Variants in ME3 observed in about 807,000 individuals in gnomAD.
ME3 encodes malic enzyme 3.
ME3 carries 48 observed loss-of-function variants against 68.9 expected under a neutral mutation model. The observed-to-expected ratio is 0.70, with a 90% confidence interval of 0.55 to 0.89. The LOEUF is 0.89. ME3 is among the 40% of genes least tolerant of loss of function. The probability of loss-of-function intolerance (pLI) is 0.00; values close to 1 mark genes in which losing one functional copy is unlikely to be tolerated. For missense variants in ME3, 675 were observed against 797.4 expected, an observed-to-expected ratio of 0.85 and a Z score of 1.85; for synonymous variants, 320 against 318.8, an observed-to-expected ratio of 1.00 and a Z score of -0.04.
At chr11:86,533,370 A>G (rs77661830) in intron 4 of ME3, among the ~76,000 whole-genome samples, 8,079 of 152,274 alleles carry the variant, frequency 0.053, 290 homozygotes, top group Non-Finnish European at 0.081. Flanking sequence ...GAACAATTAT[A>G]TATCAAAGAA....
chr11:86,477,557 T>C (rs1165253729), intron 7 of ME3, among the ~76,000 whole-genome samples: 2 of 152,216 alleles, frequency 1.3e-5, no homozygotes, highest in African/African-American at 4.8e-5. Flanking sequence ...CTTCATCTCT[T>C]CTGCCATAAT....
intron 2 of ME3, among the ~76,000 whole-genome samples, chr11:86,573,836 A>T (rs1163602704): frequency 6.6e-6 from 1 of 152,244 alleles, no homozygotes; most frequent in Non-Finnish European, 1.5e-5. Flanking sequence ...AGCTTTTAAC[A>T]TAAAAGGATG....
intron 8 of ME3, among the ~76,000 whole-genome samples, chr11:86,462,349 G>A (rs1329521102): frequency 2.0e-5 from 3 of 152,204 alleles, no homozygotes. Context: ...GTCTATTTAT[G>A]TGTTAATCCA....
intron 2 of ME3, among the ~76,000 whole-genome samples, chr11:86,625,272 T>TA (rs1035907551): frequency 6.6e-6 from 1 of 152,000 alleles, no homozygotes; most frequent in Non-Finnish European, 1.5e-5. Flanking sequence ...TGACCATAGT[T>TA]ACAGAGTACA....
Position 86,548,150 on chromosome 11 carries a change from T to C in ME3, c.467+8403A>G, listed in dbSNP as rs557212558. ...CTGCTCCTTCTGGATGCTAAAGTCC[T>C]AGGCAGGCCACATGCATTTAAGCAC... On this transcript the variant is annotated intron_variant, in intron 4 of 14. Transcript: ENST00000543262. 3.3e-5 allele frequency among the ~76,000 whole-genome samples: 5 copies of C among 152,304 alleles called. No homozygotes were observed. In the South Asian group the frequency reaches 8.3e-4, roughly 25 times the overall value.
chr11:86,609,734 A>G (rs1942423752), intron 2 of ME3, among the ~76,000 whole-genome samples: 1 of 152,244 alleles, frequency 6.6e-6, no homozygotes, highest in Non-Finnish European at 1.5e-5. Context: ...CAAAATTGTA[A>G]TAGCAAAAAA....
intron 2 of ME3, among the ~76,000 whole-genome samples, chr11:86,635,638 G>C (rs1407895900): frequency 2.0e-5 from 3 of 152,198 alleles, no homozygotes; most frequent in Non-Finnish European, 4.4e-5. Context: ...AAAAGGATGA[G>C]TTCTACTTTA....
intron 2 of ME3, among the ~76,000 whole-genome samples, chr11:86,644,018 T>A (rs889111639): frequency 6.6e-6 from 1 of 152,170 alleles, no homozygotes; most frequent in African/African-American, 2.4e-5. Context: ...CACAAATATT[T>A]GATTTCCTTT....
chr11:86,522,558 G>T (rs763561675), intron 4 of ME3, among the ~76,000 whole-genome samples: 34 of 151,762 alleles, frequency 2.2e-4, no homozygotes, highest in Non-Finnish European at 4.1e-4. Context: ...AGGCCCCAGT[G>T]TATGTTATTC....
At chr11:86,486,741 C>T (rs751472365) in intron 7 of ME3, among the ~76,000 whole-genome samples, 29 of 152,194 alleles carry the variant, frequency 1.9e-4, no homozygotes, top group Non-Finnish European at 3.4e-4. Flanking sequence ...CCCAGCGGCA[C>T]GTCAGCCACA....
rs543212989 is a variant in ME3 at position 86,643,123 on chromosome 11, G to A, written c.183+28639C>T. Among the ~76,000 whole-genome samples the A allele has an allele frequency of 1.3e-4, 20 of 152,140 alleles. No individual in the cohort carries two copies. In the South Asian group the frequency reaches 2.5e-3, roughly 19 times the overall value. On this transcript the variant is annotated intron_variant, in intron 2 of 14. Transcript: ENST00000543262. ...CATGTCTGTGTTTGCTTCACTATTC[G>A]TCATACAAGGTCCTCATTTCCCTCA...
chr11:86,582,910 A>G (rs542365627), intron 2 of ME3, among the ~76,000 whole-genome samples: 1,497 of 143,820 alleles, frequency 0.01, 21 homozygotes, highest in African/African-American at 0.033. Context: ...CATGGTAAGG[A>G]AAAAAAAAAA....
chr11:86,575,747 C>T (rs1244387853), intron 2 of ME3, among the ~76,000 whole-genome samples: 4 of 152,256 alleles, frequency 2.6e-5, no homozygotes, highest in East Asian at 3.9e-4. Flanking sequence ...CTGTTCTCCC[C>T]GAAGACAGGG....
intron 4 of ME3, among the ~76,000 whole-genome samples, chr11:86,550,304 A>C (rs182445136): frequency 7.5e-4 from 115 of 152,318 alleles, no homozygotes; most frequent in African/African-American, 2.8e-3. Context: ...AAAATGTTAG[A>C]GCTAGAAGAG....
intron 4 of ME3, among the ~76,000 whole-genome samples, chr11:86,520,641 A>G (rs1166354461): frequency 6.6e-6 from 1 of 152,140 alleles, no homozygotes; most frequent in African/African-American, 2.4e-5. Context: ...TTGTTCCTGC[A>G]GGATGATTTT....
intron 4 of ME3, among the ~76,000 whole-genome samples, chr11:86,553,896 T>C (rs1449408663): frequency 6.7e-6 from 1 of 150,160 alleles, no homozygotes; most frequent in Non-Finnish European, 1.5e-5. Flanking sequence ...GGCAGTGTAG[T>C]GTGGTGGTTG....
intron 2 of ME3, among the ~76,000 whole-genome samples, chr11:86,667,349 G>A (rs951410391): frequency 6.6e-6 from 1 of 152,164 alleles, no homozygotes; most frequent in African/African-American, 2.4e-5. Flanking sequence ...GTGTGTTCTG[G>A]GAAATAATGC....
intron 2 of ME3, among the ~76,000 whole-genome samples, chr11:86,593,534 G>A (rs1594581618): frequency 1.4e-5 from 2 of 146,288 alleles, no homozygotes; most frequent in South Asian, 4.5e-4. Flanking sequence ...TCACAAGCCC[G>A]ACCTCCATCT....
chr11:86,464,013 G>A, intron 8 of ME3: 1 of 379,766 alleles, frequency 2.6e-6, no homozygotes, highest in Non-Finnish European at 5.1e-6. Flanking sequence ...CATACAATAA[G>A]CGTTCAGCGA....
Sources: gnomAD v4.1 joint callset for allele counts (sites outside exome capture counted in the v4.1 genomes callset) on GRCh38, gnomAD v4.1.1 for gene constraint, MANE v1.5 for transcripts, NCBI Gene and HGNC (gene_info 2026-07-23, HGNC 2026-07-21) for gene names.